The following MED1 variants were observed in gnomAD, a reference collection of about 807,000 sequenced individuals.
MED1 encodes the protein mediator complex subunit 1.
Under a neutral mutation model 121.3 loss-of-function variants are expected in MED1, and 17 were observed. The ratio of observed to expected loss-of-function variants is 0.14; its 90% CI spans 0.10 to 0.21. MED1 has a LOEUF of 0.21. MED1 is among the 10% of genes least tolerant of loss of function. The pLI is 1.00. For missense variants in MED1, 1,558 were observed against 1,919.4 expected (o/e 0.81, Z 3.52); for synonymous variants, 661 against 694.4 (o/e 0.95, Z 0.76).
intron 1 of MED1, among the ~76,000 whole-genome samples, chr17:39,448,362 A>G (rs1448646187): frequency 4.0e-5 from 6 of 150,982 alleles, no homozygotes; most frequent in African/African-American, 1.5e-4. Flanking sequence ...AGAGCGAAAC[A>G]CTGTCTCAAA....
intron 13 of MED1, among the ~76,000 whole-genome samples, chr17:39,421,956 G>T (rs947863683): frequency 2.0e-5 from 3 of 150,846 alleles, no homozygotes; most frequent in African/African-American, 7.3e-5. Flanking sequence ...GTGAAATCCC[G>T]TCTCTACTAA....
Position 39,409,526 on chromosome 17 carries a change from C to T in MED1, c.2695G>A (p.Ala899Thr), listed in dbSNP as rs1407167391. ...CCCAAAGTATTTAGTGCCTGAGATG[C>T]AAATCCTTTGAAATCATCATTATCC... is the stretch of plus-strand genomic sequence containing the variant. ...SGDNDDFKGF[A>T]SQALNTLGVP... is the part of the protein sequence containing the mutation. The change falls in exon 17 of 17, where the codon GCA (alanine) becomes ACA (threonine). Residue 899 changes from alanine to threonine, a missense_variant. Physicochemically the swap from Ala to Thr is moderately conservative, Grantham distance 58. Transcript: ENST00000300651. 2 of 1,614,056 alleles carry T rather than the reference C, an allele frequency of 1.2e-6. No homozygotes were observed. Among genetic ancestry groups the T allele is most frequent in the Admixed American group, 1.7e-5 (1 of 59,996 alleles).
chr17:39,413,203 T>C (rs1405483327), intron 16 of MED1, among the ~76,000 whole-genome samples: 1 of 152,120 alleles, frequency 6.6e-6, no homozygotes, highest in East Asian at 1.9e-4. Context: ...GCCTCCTGAG[T>C]AGCTGGGATT....
intron 8 of MED1, 51 bp from the exon 9 acceptor site, chr17:39,431,239 G>T (rs1318623525): frequency 7.0e-7 from 1 of 1,423,788 alleles, no homozygotes; most frequent in Non-Finnish European, 9.9e-7. Context: ...TGATGGTCTT[G>T]GTACACACTG....
Position 39,418,069 on chromosome 17 carries a change from G to C in MED1, c.1297+1648C>G, listed in dbSNP as rs911407657. Among the ~76,000 whole-genome samples, 9 of 116,656 alleles carry C rather than the reference G, an allele frequency of 7.7e-5. No homozygotes were observed. The Admixed American group carries it at 1.0e-3, about 13-fold the overall frequency. 76.5% of individuals were successfully genotyped at this position (116,656 alleles called of 152,430 possible). ...CCACTGCACTCCAGCCTGGGGAACA[G>C]AGTGAGACTCCGTCTCAAAAAAAAA... is the stretch of plus-strand genomic sequence containing the variant. On this transcript the variant is annotated intron_variant, in intron 14 of 16. Transcript: ENST00000300651.
At chr17:39,439,356 G>T (rs1265345459) in intron 5 of MED1, among the ~76,000 whole-genome samples, 163 bp from the exon 6 acceptor site, 1 of 152,104 alleles carries the variant, frequency 6.6e-6, no homozygotes, top group Non-Finnish European at 1.5e-5. Context: ...CTTCCTACTT[G>T]GTGAACCACA....
chr17:39,409,171 G>C lies in MED1; in HGVS notation c.3050C>G (p.Thr1017Ser). The part of the protein sequence containing the change: ...DKPPKRKKAD[T>S]EGKSPSHSSS... ...ACTATGAGATGGAGACTTTCCCTCAGTGTCTGCCTTCTTCCGCTTTGGAGG... is the reference window on the plus strand; with the variant it reads ...ACTATGAGATGGAGACTTTCCCTCACTGTCTGCCTTCTTCCGCTTTGGAGG... Residue 1017 changes from threonine (T) to serine (S), a missense_variant, in exon 17 of 17, where the codon ACT becomes AGT. By Grantham distance (58) the Thr-to-Ser change is moderately conservative. Coordinates refer to ENST00000300651, the MANE Select transcript of MED1 (RefSeq NM_004774.4). 1 of 1,614,172 alleles carries C rather than the reference G, an allele frequency of 6.2e-7. No homozygotes were observed. The highest frequency in any genetic ancestry group is 8.5e-7 in the Non-Finnish European group (1 of 1,180,030).
intron 13 of MED1, among the ~76,000 whole-genome samples, chr17:39,423,074 C>T (rs1208889519): frequency 2.0e-5 from 3 of 151,750 alleles, no homozygotes; most frequent in Non-Finnish European, 4.4e-5. Context: ...CCTATGTTGG[C>T]CAGGCTGGTC....
In MED1 at chr17:39,405,135, C is replaced by T; in HGVS notation, c.*2340G>A. 5 of 1,404,720 alleles carry T rather than the reference C, an allele frequency of 3.6e-6. No homozygotes were observed. In the South Asian group the frequency reaches 7.6e-5, roughly 21 times the overall value. The allele number at this position is 1,404,720 out of a possible 1,614,324, so 87.0% of individuals were successfully genotyped here. On this transcript the variant is annotated 3_prime_UTR_variant, in exon 17 of 17. Transcript: ENST00000300651. ...GTCCCAGGCTTGGTTTATTCTGCCT[C>T]TTCTCCTCCACCCTGTGGAGAAATG... is the stretch of plus-strand genomic sequence containing the variant.
intron 14 of MED1, 135 bp from the exon 15 acceptor site, chr17:39,415,474 G>A (rs2048399977): frequency 3.1e-6 from 2 of 644,006 alleles, no homozygotes; most frequent in African/African-American, 1.9e-5. Flanking sequence ...AGGAGTTCAA[G>A]ACCAGCCTGG....
intron 10 of MED1, among the ~76,000 whole-genome samples, chr17:39,426,891 C>T (rs1375628725): frequency 6.6e-6 from 1 of 151,494 alleles, no homozygotes; most frequent in Non-Finnish European, 1.5e-5. Flanking sequence ...ATGTCCATTA[C>T]CATAGTTCTT....
chr17:39,417,410 C>T (rs1160004518), intron 14 of MED1, among the ~76,000 whole-genome samples: 1 of 151,394 alleles, frequency 6.6e-6, no homozygotes, highest in African/African-American at 2.4e-5. Context: ...GGGCAGATCA[C>T]GAGGTCAGGA....
intron 7 of MED1, among the ~76,000 whole-genome samples, chr17:39,432,762 A>C (rs562784134): frequency 1.4e-3 from 208 of 151,220 alleles, no homozygotes; most frequent in Middle Eastern, 0.01. Context: ...CCAAAAAAAA[A>C]CAAAAACCAA....
At chr17:39,443,278 G>A (rs575975188) in intron 3 of MED1, among the ~76,000 whole-genome samples, 51 of 151,812 alleles carry the variant, frequency 3.4e-4, no homozygotes, top group African/African-American at 1.2e-3. Flanking sequence ...GGGATTACAG[G>A]AGCGAGCCAC....
At chr17:39,415,220 G>T in intron 15 of MED1, 24 bp downstream of exon 15, 1 of 1,604,896 alleles carries the variant, frequency 6.2e-7, no homozygotes, top group South Asian at 1.1e-5. Flanking sequence ...TCCATGAGAG[G>T]TGTTAGCCAC....
In MED1 at chr17:39,405,299, A is replaced by G. The variant is rs758974211; in HGVS notation, c.*2176T>C. 7 of 1,605,114 alleles carry G rather than the reference A, an allele frequency of 4.4e-6. No homozygotes were observed. In the African/African-American group the frequency reaches 9.4e-5, roughly 21 times the overall value. On this transcript the variant is annotated 3_prime_UTR_variant, in exon 17 of 17. Transcript: ENST00000300651. ...TCCTTCATCCAGATCCTAACTCGGGATTCTTTGATCTGGGATGAAGACAGA... is the reference window on the plus strand; with the variant it reads ...TCCTTCATCCAGATCCTAACTCGGGGTTCTTTGATCTGGGATGAAGACAGA...
chr17:39,422,338 A>AT (rs1011416160), intron 13 of MED1, among the ~76,000 whole-genome samples: 5 of 147,564 alleles, frequency 3.4e-5, no homozygotes, highest in Non-Finnish European at 6.0e-5. Context: ...TAATTTTTGT[A>AT]TTTTTTTAGT....
At chr17:39,443,133 C>CT (rs1322117965) in intron 3 of MED1, among the ~76,000 whole-genome samples, 4 of 150,514 alleles carry the variant, frequency 2.7e-5, no homozygotes, top group Non-Finnish European at 5.9e-5. Context: ...TCCCGAGAAG[C>CT]TGGGATTATA....
intron 3 of MED1, among the ~76,000 whole-genome samples, chr17:39,443,071 G>C (rs892201921): frequency 8.2e-6 from 1 of 121,450 alleles, no homozygotes; most frequent in Non-Finnish European, 1.6e-5. Context: ...GCGTGATTTT[G>C]GCTCACTGCA....
Sources: allele counts gnomAD v4.1 joint callset (sites outside exome capture counted in the v4.1 genomes callset), GRCh38; gene constraint gnomAD v4.1.1; transcripts MANE v1.5; gene names NCBI Gene and HGNC (gene_info 2026-07-23, HGNC 2026-07-21).